TRMT2B: variants seen among roughly 807,000 people sequenced by gnomAD.
TRMT2B encodes the protein tRNA (uracil-5-)-methyltransferase homolog B.
In TRMT2B, 34 loss-of-function variants were observed where a neutral mutation model predicts 39.7. That is an observed-to-expected ratio of 0.86 (90% CI 0.65 to 1.14). TRMT2B has a LOEUF of 1.14. Among genes scored for constraint, TRMT2B ranks in the 50% most tolerant of loss-of-function variants. TRMT2B has a pLI of 0.00. For synonymous variants in TRMT2B, 132 were observed against 137.3 expected, an observed-to-expected ratio of 0.96 and a Z score of 0.27; for missense variants, 318 against 377.2, an observed-to-expected ratio of 0.84 and a Z score of 1.30.
At chrX:101,014,098 A>G (rs1325146278) in intron 13 of TRMT2B, among the ~76,000 whole-genome samples, 4 of 111,367 alleles carry the variant, frequency 3.6e-5, no homozygotes, top group African/African-American at 1.3e-4. Context: ...CGCAAAAAAA[A>G]GCATCAAATA....
At chrX:101,045,967 G>A (rs1444141930) in intron 2 of TRMT2B, among the ~76,000 whole-genome samples, 1 of 107,566 alleles carries the variant, frequency 9.3e-6, no homozygotes, top group African/African-American at 3.4e-5. Context: ...CCAACATGGT[G>A]AAACCCCGCC....
At chrX:101,041,930 G>A (rs182760214) in intron 3 of TRMT2B, 112 bp downstream of exon 3, 2 of 976,614 alleles carry the variant, frequency 2.0e-6, no homozygotes, top group Admixed American at 5.5e-5. Flanking sequence ...CCTACCTCAG[G>A]TGGCCCCTCA....
chrX:101,001,824 CA>C, the TRMT2B span, among the ~76,000 whole-genome samples: 12,488 of 59,474 alleles, frequency 0.21, 788 homozygotes, highest in South Asian at 0.26. Flanking sequence ...AAGTGATATT[CA>C]AAAAAAAAAA....
intron 2 of TRMT2B, among the ~76,000 whole-genome samples, chrX:101,045,512 G>A (rs1336643747): frequency 9.2e-6 from 1 of 108,739 alleles, no homozygotes; most frequent in East Asian, 2.9e-4. Flanking sequence ...GCTCACGCTT[G>A]TAATCCCAGC....
At chrX:100,999,503 C>T in the TRMT2B span, among the ~76,000 whole-genome samples, 4 of 112,097 alleles carry the variant, frequency 3.6e-5, no homozygotes, top group Admixed American at 3.8e-4. Flanking sequence ...AAATGACAAT[C>T]ATCTTCTCCC....
chrX:100,987,947 A>G, the TRMT2B span, among the ~76,000 whole-genome samples: 1 of 111,964 alleles, frequency 8.9e-6, no homozygotes, highest in Non-Finnish European at 1.9e-5. Context: ...CTCAGCCTCT[A>G]GTTCTATAAT....
intron 7 of TRMT2B, among the ~76,000 whole-genome samples, chrX:101,024,974 G>A (rs1452138187): frequency 2.7e-5 from 3 of 109,179 alleles, no homozygotes; most frequent in Non-Finnish European, 5.7e-5. Flanking sequence ...TCCAACCTGG[G>A]CAACCTGTGT....
chrX:101,034,146 T>TA (rs1226389200), intron 7 of TRMT2B, among the ~76,000 whole-genome samples: 2 of 211 alleles, frequency 9.5e-3, no homozygotes, highest in East Asian at 1. Context: ...CTGGCCTACA[T>TA]TTTTTTTTTT....
the TRMT2B span, among the ~76,000 whole-genome samples, chrX:100,976,515 C>T: frequency 1.8e-5 from 2 of 111,812 alleles, no homozygotes; most frequent in Admixed American, 9.5e-5. Context: ...CCTCTGTCTA[C>T]GCAGGACCAT....
intron 8 of TRMT2B, among the ~76,000 whole-genome samples, chrX:101,022,446 C>A (rs1425383426): frequency 9.0e-6 from 1 of 110,553 alleles, no homozygotes; most frequent in Non-Finnish European, 1.9e-5. Context: ...CATGGTGAAA[C>A]CCCATCTCTA....
chrX:101,000,674 G>A, the TRMT2B span, among the ~76,000 whole-genome samples: 1 of 110,493 alleles, frequency 9.1e-6, no homozygotes, highest in Admixed American at 9.8e-5. Context: ...CCCAACTACT[G>A]TAGTTACGTT....
intron 2 of TRMT2B, 85 bp downstream of exon 2, chrX:101,051,166 T>A (rs918736098): frequency 4.0e-6 from 2 of 498,029 alleles, no homozygotes; most frequent in South Asian, 1.1e-4. Context: ...AGTCCTGGAG[T>A]CCAGAGTAGC....
intron 7 of TRMT2B, among the ~76,000 whole-genome samples, chrX:101,030,686 T>C (rs995748560): frequency 2.7e-5 from 3 of 109,610 alleles, no homozygotes; most frequent in African/African-American, 1.0e-4. Context: ...GACCTTGTGA[T>C]CCGCCCGCCT....
the TRMT2B span, among the ~76,000 whole-genome samples, chrX:100,979,347 C>T: frequency 9.0e-6 from 1 of 111,248 alleles, no homozygotes; most frequent in Non-Finnish European, 1.9e-5. Context: ...TTTTGTTTGT[C>T]TGGGAAATAC....
chrX:101,020,638 G>A (rs1190836691), intron 10 of TRMT2B, 50 bp from the exon 11 acceptor site: 1 of 965,153 alleles, frequency 1.0e-6, no homozygotes, highest in African/African-American at 2.2e-5. Context: ...GTTTAGGTGT[G>A]GTAGTTTGTT....
At chrX:101,048,738 C>T (rs1308359767) in intron 2 of TRMT2B, among the ~76,000 whole-genome samples, 1 of 112,670 alleles carries the variant, frequency 8.9e-6, no homozygotes, top group Non-Finnish European at 1.9e-5. Flanking sequence ...CCACATTCGG[C>T]TGGAGCCATG....
the TRMT2B span, among the ~76,000 whole-genome samples, chrX:100,999,270 C>G: frequency 1.8e-5 from 2 of 112,414 alleles, no homozygotes; most frequent in African/African-American, 6.5e-5. Flanking sequence ...ATAGAATCAC[C>G]TGATGGAAAA....
intron 7 of TRMT2B, among the ~76,000 whole-genome samples, chrX:101,033,393 G>A (rs184903772): frequency 1.8e-5 from 2 of 108,275 alleles, no homozygotes; most frequent in Non-Finnish European, 3.8e-5. Flanking sequence ...TCAGAAGTTC[G>A]AGACCAGCCT....
chrX:101,005,755 C>T (rs1409076172), downstream of TRMT2B, among the ~76,000 whole-genome samples: 1 of 104,885 alleles, frequency 9.5e-6, no homozygotes, highest in East Asian at 3.1e-4. Flanking sequence ...ATGGCGCATG[C>T]CTATAATCCC....
Sources: allele counts gnomAD v4.1 joint callset (sites outside exome capture counted in the v4.1 genomes callset), GRCh38; gene constraint gnomAD v4.1.1; transcripts MANE v1.5; gene names NCBI Gene and HGNC (gene_info 2026-07-23, HGNC 2026-07-21).